SESN1: variants seen among roughly 807,000 people sequenced by gnomAD.
SESN1 encodes sestrin 1.
SESN1 carries 30 observed loss-of-function variants against 59.3 expected under a neutral mutation model. The ratio of observed to expected loss-of-function variants is 0.51; its 90% confidence interval spans 0.38 to 0.69. The LOEUF (loss-of-function observed/expected upper bound fraction) is 0.69. Ranked by LOEUF, SESN1 falls within the 30% of genes least tolerant of loss-of-function variation. The pLI is 0.00. For synonymous variants in SESN1, 197 were observed against 219.9 expected (o/e 0.90, Z 0.92); for missense variants, 566 against 673.0 (o/e 0.84, Z 1.76).
At chr6:109,007,785 CTTTT>C (rs3083610) in intron 1 of SESN1, among the ~76,000 whole-genome samples, 1,370 of 103,338 alleles carry the variant, frequency 0.013, 12 homozygotes, top group African/African-American at 0.044. Context: ...AGTCCAGGTA[CTTTT>C]TTTTTTTTTT....
chr6:109,010,480 G>A (rs1228454451), intron 1 of SESN1, among the ~76,000 whole-genome samples: 1 of 152,176 alleles, frequency 6.6e-6, no homozygotes, highest in Non-Finnish European at 1.5e-5. Context: ...AAGGAAACAA[G>A]TGGAATTTAT....
intron 1 of SESN1, among the ~76,000 whole-genome samples, chr6:109,038,346 G>T (rs1403057814): frequency 1.3e-5 from 2 of 152,194 alleles, no homozygotes; most frequent in Non-Finnish European, 2.9e-5. Flanking sequence ...TACAAAATTA[G>T]CTAGGTGTGG....
intron 1 of SESN1, among the ~76,000 whole-genome samples, chr6:109,004,310 T>C (rs1779685790): frequency 6.6e-6 from 1 of 151,986 alleles, no homozygotes. Flanking sequence ...GACTTTCACA[T>C]GGGAAAAATA....
intron 1 of SESN1, among the ~76,000 whole-genome samples, chr6:109,059,350 G>A (rs1257234405): frequency 6.6e-6 from 1 of 152,070 alleles, no homozygotes; most frequent in Non-Finnish European, 1.5e-5. Flanking sequence ...CAGTAGGTGT[G>A]CTTTTAATGT....
intron 5 of SESN1, among the ~76,000 whole-genome samples, chr6:108,996,568 T>C (rs1036775444): frequency 2.0e-5 from 3 of 152,134 alleles, no homozygotes; most frequent in South Asian, 2.1e-4. Flanking sequence ...ATAAATTATA[T>C]TGAAATAAGA....
intron 7 of SESN1, among the ~76,000 whole-genome samples, chr6:108,992,129 C>T (rs998658813): frequency 2.6e-5 from 4 of 152,060 alleles, no homozygotes; most frequent in African/African-American, 7.2e-5. Context: ...GACAGGATCC[C>T]ACTCTGTCAC....
chr6:109,046,707 G>C (rs1780446901), intron 1 of SESN1, among the ~76,000 whole-genome samples: 1 of 135,324 alleles, frequency 7.4e-6, no homozygotes, highest in African/African-American at 2.7e-5. Context: ...CCCATCGTCT[G>C]AGATGTGGGG....
At chr6:109,030,618 AG>A (rs2114392586) in intron 1 of SESN1, among the ~76,000 whole-genome samples, 1 of 152,346 alleles carries the variant, frequency 6.6e-6, no homozygotes, top group South Asian at 2.1e-4. Flanking sequence ...TATGTCACAA[AG>A]GAAAAAAATA....
intron 1 of SESN1, among the ~76,000 whole-genome samples, chr6:109,031,760 G>T (rs1583279293): frequency 6.6e-6 from 1 of 152,282 alleles, no homozygotes; most frequent in East Asian, 1.9e-4. Flanking sequence ...TTTAGAGGAA[G>T]TATAAAGAAG....
intron 1 of SESN1, among the ~76,000 whole-genome samples, chr6:109,036,995 G>C (rs114837198): frequency 1.4e-3 from 206 of 152,252 alleles, no homozygotes; most frequent in African/African-American, 4.7e-3. Flanking sequence ...GAAACTTACC[G>C]ATCAAGGTCC....
chr6:109,088,483 T>TG (rs566163226), intron 1 of SESN1, among the ~76,000 whole-genome samples: 29 of 151,650 alleles, frequency 1.9e-4, no homozygotes, highest in South Asian at 6.3e-4. Flanking sequence ...CTCCTGGAGG[T>TG]GGGGGGGTAA....
Position 108,988,822 on chromosome 6 carries a change from A to C in SESN1, c.1425-135T>G, listed in dbSNP as rs191662441. On this transcript the variant is annotated intron_variant, in intron 8 of 9. Transcript: ENST00000436639. ...AGGCAGCTGTCCCCAAAAATGATAGAGCTTTATAACTGCAGATGAATAAGT... is the reference window on the plus strand; with the variant it reads ...AGGCAGCTGTCCCCAAAAATGATAGCGCTTTATAACTGCAGATGAATAAGT... 879 of 628,408 alleles carry C rather than the reference A, an allele frequency of 1.4e-3. 5 individuals carry two copies. In the African/African-American group the frequency reaches 0.015, roughly 11 times the overall value. 38.9% of individuals were successfully genotyped at this position (628,408 alleles called of 1,614,324 possible).
chr6:109,081,194 A>G (rs532274036), intron 1 of SESN1, among the ~76,000 whole-genome samples: 2 of 152,150 alleles, frequency 1.3e-5, no homozygotes, highest in East Asian at 1.9e-4. Context: ...CAATCCTCCT[A>G]CTTTACCTCC....
intron 1 of SESN1, among the ~76,000 whole-genome samples, chr6:109,025,777 C>T (rs932357221): frequency 6.6e-6 from 1 of 151,752 alleles, no homozygotes; most frequent in Admixed American, 6.6e-5. Flanking sequence ...GAATATAGCA[C>T]ATACAGCAAA....
intron 1 of SESN1, among the ~76,000 whole-genome samples, chr6:109,077,152 T>C (rs937774575): frequency 6.6e-6 from 1 of 152,192 alleles, no homozygotes; most frequent in Admixed American, 6.5e-5. Flanking sequence ...GTATATGCAG[T>C]CTGTTGTTGA....
At chr6:109,004,733 A>C (rs1352305382) in intron 1 of SESN1, among the ~76,000 whole-genome samples, 2 of 151,812 alleles carry the variant, frequency 1.3e-5, no homozygotes, top group Non-Finnish European at 2.9e-5. Flanking sequence ...CTGACCAACA[A>C]TCGTATTTTA....
In SESN1 at chr6:108,984,967, T is replaced by C. The variant is rs1417331614; in HGVS notation, c.*2577A>G. ...CCATATATTGTTAACTCAGCGTCTC[T>C]GGGAGAATGAGGACGTGGAGTTCCC... On this transcript the variant is annotated 3_prime_UTR_variant, in exon 10 of 10. Coordinates refer to ENST00000436639, the MANE Select transcript of SESN1 (RefSeq NM_014454.3). Among the ~76,000 whole-genome samples the C allele has an allele frequency of 6.6e-6, 1 of 152,198 alleles. No homozygotes were observed. Among genetic ancestry groups the C allele is most frequent in the Non-Finnish European group, 1.5e-5 (1 of 68,044 alleles).
chr6:109,032,663 T>C (rs1201175495), intron 1 of SESN1, among the ~76,000 whole-genome samples: 1 of 151,900 alleles, frequency 6.6e-6, no homozygotes, highest in Non-Finnish European at 1.5e-5. Context: ...GACAGATACA[T>C]ATATAACCAT....
rs1397460744 is a variant in SESN1, at chr6:108,998,718, G to C, written c.767C>G (p.Ala256Gly). The change falls in exon 5 of 10, where the codon GCG becomes GGG. Residue 256 changes from alanine to glycine, a missense_variant. By Grantham distance (60) the Ala-to-Gly change is moderately conservative (BLOSUM62 0). Coordinates refer to ENST00000436639, the MANE Select transcript of SESN1 (RefSeq NM_014454.3). Reference sequence around the variant, plus strand: ...TAAAACTACTGCATGTACCAATTCCGCAAGGGACCAGCTGTGCTCTTCAGC... The same window carrying C: ...TAAAACTACTGCATGTACCAATTCCCCAAGGGACCAGCTGTGCTCTTCAGC... Reference protein sequence around the residue: ...LKAEEHSWSLAELVHAVVLLT... With the variant: ...LKAEEHSWSLGELVHAVVLLT... The C allele has an allele frequency of 6.2e-6, 10 of 1,613,526 alleles. No individual in the cohort carries two copies. The highest frequency in any genetic ancestry group is 8.5e-6 in the Non-Finnish European group (10 of 1,179,630).
Sources: gnomAD v4.1 joint callset for allele counts (sites outside exome capture counted in the v4.1 genomes callset) on GRCh38, gnomAD v4.1.1 for gene constraint, MANE v1.5 for transcripts, NCBI Gene and HGNC (gene_info 2026-07-23, HGNC 2026-07-21) for gene names.